The following SPAG16 variants were observed in gnomAD, a reference collection of about 807,000 sequenced individuals.
SPAG16 encodes sperm-associated antigen 16 protein.
SPAG16 carries 86 observed loss-of-function variants against 80.4 expected under a neutral mutation model. The ratio of observed to expected loss-of-function variants is 1.07; its 90% CI spans 0.90 to 1.28. SPAG16 has a LOEUF of 1.28. Among genes scored for constraint, SPAG16 ranks in the 50% most tolerant of loss-of-function variants. The pLI is 0.00. For missense variants in SPAG16, 870 were observed against 765.3 expected (o/e 1.14, Z -1.61); for synonymous variants, 294 against 265.9 (o/e 1.11, Z -1.03).
Position 214,410,249 on chromosome 2 carries a change from G to A in SPAG16, c.1830G>A (p.Val610=). The part of the protein sequence containing the change: ...MGHENEAHTV[V]FSHDGEILFS... ...ACGAAAACGAGGCACACACGGTTGTGTTTTCTCACGACGGGGAGATTCTCT... is the reference window on the plus strand; with the variant it reads ...ACGAAAACGAGGCACACACGGTTGTATTTTCTCACGACGGGGAGATTCTCT... Residue 610 remains valine (V), a synonymous_variant, in exon 16 of 16, where the codon GTG becomes GTA. Transcript: ENST00000331683. 6.2e-7 allele frequency: 1 copy of A among 1,612,536 alleles called. No individual in the cohort carries two copies. The highest frequency in any genetic ancestry group is 8.5e-7 in the Non-Finnish European group (1 of 1,178,612).
chr2:214,374,893 G>A (rs1473278738), intron 15 of SPAG16, among the ~76,000 whole-genome samples: 4 of 152,124 alleles, frequency 2.6e-5, no homozygotes, highest in Admixed American at 6.6e-5. Flanking sequence ...TGTGCTTGAC[G>A]TTTCTGGCAC....
At chr2:213,354,974 T>C (rs1359334389) in intron 7 of SPAG16, among the ~76,000 whole-genome samples, 2 of 152,224 alleles carry the variant, frequency 1.3e-5, no homozygotes, top group Non-Finnish European at 2.9e-5. Context: ...CTAGGTTCTG[T>C]TCTAGGGTTT....
chr2:213,793,062 G>A (rs1054480964), intron 10 of SPAG16, among the ~76,000 whole-genome samples: 2 of 151,960 alleles, frequency 1.3e-5, no homozygotes, highest in African/African-American at 4.8e-5. Flanking sequence ...AAATAGCTGG[G>A]ATTACAGGCG....
At chr2:213,867,921 C>A (rs1559536449) in intron 11 of SPAG16, among the ~76,000 whole-genome samples, 2 of 24,376 alleles carry the variant, frequency 8.2e-5, no homozygotes, top group Admixed American at 7.8e-4. Context: ...AAGACTCTGT[C>A]TCAACAAAAA....
rs771531498 is a variant in SPAG16 at position 213,310,090 on chromosome 2, C to T, written c.311C>T (p.Ala104Val). 2 of 1,609,830 alleles carry T rather than the reference C, an allele frequency of 1.2e-6. No individual in the cohort carries two copies. The highest frequency in any genetic ancestry group is 1.1e-5 in the South Asian group (1 of 90,528). ...ERKTVLPSKH[A>V]VPEVIEDFLC... ...AAAACAGTTCTTCCTTCAAAGCATG[C>T]AGTACCTGAAGTAATAGAAGACTTT... Residue 104 changes from alanine to valine, a missense_variant, in exon 4 of 16, where the codon GCA becomes GTA. Physicochemically the swap from Ala to Val is moderately conservative, Grantham distance 64. Transcript: ENST00000331683.
intron 13 of SPAG16, among the ~76,000 whole-genome samples, chr2:214,032,427 A>G (rs74537006): frequency 3.9e-5 from 6 of 152,352 alleles, no homozygotes; most frequent in East Asian, 3.9e-4. Flanking sequence ...GTCAATAGTT[A>G]TAAGTGAACA....
intron 13 of SPAG16, among the ~76,000 whole-genome samples, chr2:214,025,317 T>C (rs1194492091): frequency 1.3e-5 from 2 of 151,646 alleles, no homozygotes; most frequent in East Asian, 1.9e-4. Context: ...GTGACTACAA[T>C]TCATTGCATC....
At chr2:214,027,055 AT>A (rs1409362723) in intron 13 of SPAG16, among the ~76,000 whole-genome samples, 1 of 151,456 alleles carries the variant, frequency 6.6e-6, no homozygotes, top group African/African-American at 2.4e-5. Context: ...TTATTTTTAG[AT>A]TTTTTTCATT....
intron 10 of SPAG16, among the ~76,000 whole-genome samples, chr2:213,613,330 G>T (rs565082842): frequency 5.3e-5 from 8 of 152,314 alleles, no homozygotes; most frequent in African/African-American, 1.9e-4. Flanking sequence ...AAAAGCTGAA[G>T]TCCTTCTAAT....
At chr2:214,202,932 C>A (rs1445288877) in intron 15 of SPAG16, among the ~76,000 whole-genome samples, 1 of 152,170 alleles carries the variant, frequency 6.6e-6, no homozygotes, top group African/African-American at 2.4e-5. Flanking sequence ...TTCTGTGAAA[C>A]AGACCTGAGA....
At chr2:213,594,860 G>C (rs2060833727) in intron 10 of SPAG16, among the ~76,000 whole-genome samples, 2 of 151,984 alleles carry the variant, frequency 1.3e-5, no homozygotes, top group South Asian at 4.1e-4. Flanking sequence ...ATGTTTCAAA[G>C]TACATTTTTT....
intron 6 of SPAG16, among the ~76,000 whole-genome samples, chr2:213,345,774 G>T (rs934885965): frequency 6.6e-6 from 1 of 151,834 alleles, no homozygotes; most frequent in Non-Finnish European, 1.5e-5. Context: ...TGCTGTTTTG[G>T]TTACTGTAGC....
At chr2:214,228,489 T>C (rs990452370) in intron 15 of SPAG16, among the ~76,000 whole-genome samples, 11 of 151,894 alleles carry the variant, frequency 7.2e-5, no homozygotes, top group Non-Finnish European at 1.3e-4. Context: ...ATAGCCAAAT[T>C]ATTTTCATAT....
rs538452858 is a variant in SPAG16, at chr2:214,089,553, C to T, written c.1528-18643C>T. 3.9e-5 allele frequency among the ~76,000 whole-genome samples: 6 copies of T among 152,148 alleles called. No homozygotes were observed. In the East Asian group the frequency reaches 7.7e-4, roughly 20 times the overall value. ...GTTTCTAAGCCTCTTTATCCTGGCT[C>T]ATAGTTTAAATTACCATCTCTCACC... On this transcript the variant is annotated intron_variant, in intron 13 of 15. Coordinates refer to ENST00000331683, the MANE Select transcript of SPAG16 (RefSeq NM_024532.5).
chr2:214,344,238 G>C (rs1255744107), intron 15 of SPAG16, among the ~76,000 whole-genome samples: 2 of 152,066 alleles, frequency 1.3e-5, no homozygotes, highest in African/African-American at 4.8e-5. Context: ...TAAAGTCAAA[G>C]TCCTTTCAAT....
intron 9 of SPAG16, among the ~76,000 whole-genome samples, chr2:213,382,080 G>A (rs184829195): frequency 6.6e-6 from 1 of 152,114 alleles, no homozygotes; most frequent in African/African-American, 2.4e-5. Context: ...CTGATAGCTG[G>A]TCATGGTGAG....
intron 9 of SPAG16, among the ~76,000 whole-genome samples, chr2:213,407,725 G>GGA (rs148004710): frequency 4.1e-5 from 6 of 144,846 alleles, no homozygotes; most frequent in East Asian, 2.0e-4. Flanking sequence ...AAGAGAGACA[G>GGA]GAGAGAGAGA....
intron 10 of SPAG16, among the ~76,000 whole-genome samples, chr2:213,520,797 T>C (rs1388086423): frequency 3.9e-5 from 6 of 152,242 alleles, no homozygotes. Context: ...TGTAATTACC[T>C]AAGTGAATTA....
chr2:213,518,508 ACCT>A (rs765809105), intron 10 of SPAG16, among the ~76,000 whole-genome samples: 10 of 151,814 alleles, frequency 6.6e-5, no homozygotes, highest in Non-Finnish European at 1.2e-4. Context: ...TCCCACCTCA[ACCT>A]CCTGAAGTGC....
Sources: gnomAD v4.1 joint callset for allele counts (sites outside exome capture counted in the v4.1 genomes callset) on GRCh38, gnomAD v4.1.1 for gene constraint, MANE v1.5 for transcripts, NCBI Gene and HGNC (gene_info 2026-07-23, HGNC 2026-07-21) for gene names.